PTK7: variants seen among roughly 807,000 people sequenced by gnomAD.
PTK7 encodes inactive tyrosine-protein kinase 7.
PTK7 carries 39 observed loss-of-function variants against 116.6 expected under a neutral mutation model. The observed-to-expected ratio is 0.33, with a 90% confidence interval of 0.26 to 0.44. The LOEUF (loss-of-function observed/expected upper bound fraction) is 0.44. Among genes scored for constraint, PTK7 ranks in the 20% least tolerant of loss-of-function variants. The pLI, the probability that PTK7 is intolerant of heterozygous loss-of-function variation, is 1.00. For synonymous variants in PTK7, 546 were observed against 563.6 expected, an observed-to-expected ratio of 0.97 and a Z score of 0.44; for missense variants, 1,169 against 1,425.6, an observed-to-expected ratio of 0.82 and a Z score of 2.90.
At chr6:43,115,054 A>T (rs1289523236) in intron 1 of PTK7, among the ~76,000 whole-genome samples, 2 of 151,692 alleles carry the variant, frequency 1.3e-5, no homozygotes, top group Non-Finnish European at 2.9e-5. Context: ...AAAAAAAAAA[A>T]ACTTTACAAA....
chr6:43,118,645 CTCTCTCTCTCTCTCTATATATATATATA>C (rs1285430416), intron 1 of PTK7, among the ~76,000 whole-genome samples: 1 of 85,910 alleles, frequency 1.2e-5, no homozygotes, highest in South Asian at 3.8e-4. Flanking sequence ...CTCTCTCTCT[CTCTCTCTCTCTCTCTATATATATATATA>C]TATATATATA....
rs1771804569 is a variant in PTK7 at position 43,160,809 on chromosome 6, C to T, written c.3141C>T (p.Ser1047=). The change falls in exon 20 of 20, where the codon AGC becomes AGT. Residue 1047 remains serine, a synonymous_variant. Transcript: ENST00000230419. Reference sequence around the variant, plus strand: ...TGATGCAGCGCTGCTGGGCCCTCAGCCCCAAGGACCGGCCCTCCTTCAGTG... The same window carrying T: ...TGATGCAGCGCTGCTGGGCCCTCAGTCCCAAGGACCGGCCCTCCTTCAGTG... ...YRLMQRCWAL[S]PKDRPSFSEI... 6.2e-7 allele frequency: 1 copy of T among 1,614,078 alleles called. No individual in the cohort carries two copies. The highest frequency in any genetic ancestry group is 1.3e-5 in the African/African-American group (1 of 74,958).
intron 7 of PTK7, among the ~76,000 whole-genome samples, chr6:43,136,492 C>T (rs1226267604): frequency 6.6e-6 from 1 of 152,178 alleles, no homozygotes. Flanking sequence ...GGTGAGCTGG[C>T]CTGGTCCCTG....
intron 1 of PTK7, among the ~76,000 whole-genome samples, chr6:43,107,595 A>G (rs1767963336): frequency 6.6e-6 from 1 of 152,190 alleles, no homozygotes; most frequent in Non-Finnish European, 1.5e-5. Flanking sequence ...CTAAACTGAG[A>G]CACTTAAAGA....
rs1465812828 is a variant in PTK7 at position 43,076,719 on chromosome 6, G to C, written c.79+152G>C. 1 of 1,377,748 alleles carries C rather than the reference G, an allele frequency of 7.3e-7. No homozygotes were observed. Among genetic ancestry groups the C allele is most frequent in the Non-Finnish European group, 9.5e-7 (1 of 1,051,910 alleles). 85.3% of individuals were successfully genotyped at this position (1,377,748 alleles called of 1,614,324 possible). A position where few individuals can be genotyped will look rare whatever the true frequency, so the allele number is the denominator to read the frequency against. ...GGGTGCAGGCTTGCGGCGGAAGGGC[G>C]CAAGGAGCCCGGGTGTCGGGAGGCT... On this transcript the variant is annotated intron_variant, in intron 1 of 19. Coordinates refer to ENST00000230419, the MANE Select transcript of PTK7 (RefSeq NM_002821.5). The surrounding 1 kb of genome is among the most constrained non-coding windows in gnomAD (Gnocchi z 5.7).
intron 7 of PTK7, among the ~76,000 whole-genome samples, chr6:43,134,965 C>T (rs1769940384): frequency 6.6e-6 from 1 of 151,882 alleles, no homozygotes; most frequent in South Asian, 2.1e-4. Flanking sequence ...ATGTCTAAGA[C>T]ATTGCTGGAG....
In PTK7 at chr6:43,129,974, C is replaced by A; in HGVS notation, c.470+145C>A. ...CAGTGCTCTTCACCCTGCCCTCCCC[C>A]AGATATTGCCCTATGCCGGCCCCTG... On this transcript the variant is annotated intron_variant, in intron 3 of 19. Transcript: ENST00000230419. This position sits in a 1 kb window ranked among gnomAD's most constrained non-coding sequence, Gnocchi z 4.5. 1.1e-6 allele frequency: 1 copy of A among 917,180 alleles called. No individual in the cohort carries two copies. The highest frequency in any genetic ancestry group is 1.7e-6 in the Non-Finnish European group (1 of 595,554). 56.8% of individuals were successfully genotyped at this position (917,180 alleles called of 1,614,324 possible).
intron 1 of PTK7, among the ~76,000 whole-genome samples, chr6:43,084,851 G>A (rs536735964): frequency 3.0e-4 from 45 of 152,260 alleles, no homozygotes; most frequent in Admixed American, 1.4e-3. Context: ...AGTCAGTGAC[G>A]GCCTCAGAAT....
chr6:43,115,925 C>T (rs533226854), intron 1 of PTK7, among the ~76,000 whole-genome samples: 14 of 93,870 alleles, frequency 1.5e-4, no homozygotes, highest in Admixed American at 9.7e-4. Flanking sequence ...AAGACTCCAT[C>T]TCAAAAAAAA....
rs763808505 is a variant in PTK7, at chr6:43,130,660, C to T, written c.811C>T (p.Arg271Cys). The T allele has an allele frequency of 1.3e-5, 21 of 1,614,036 alleles. No homozygotes were observed. The highest frequency in any genetic ancestry group is 1.7e-5 in the Admixed American group (1 of 60,006). Residue 271 changes from arginine (R) to cysteine (C), a missense_variant and splice_region_variant, in exon 5 of 20, where the codon CGC becomes TGC. Arg to Cys is a radical substitution (Grantham distance 180, BLOSUM62 -3). Transcript: ENST00000230419. ...TGAGACTCCCATCACTAACCGCAGT[C>T]GGTAAGGCATCTGGCTGGGAGCATT... ...EDETPITNRS[R>C]PPHLRRATVF...
chr6:43,159,656 C>CTTG (rs1398619358), intron 18 of PTK7, 132 bp from the exon 19 acceptor site: 1 of 898,490 alleles, frequency 1.1e-6, no homozygotes, highest in Admixed American at 2.0e-5. Context: ...CGCATGTGAC[C>CTTG]AATTTCTTGA....
chr6:43,143,676 C>T lies in PTK7; in HGVS notation c.2251+56C>T, dbSNP rs577704464. The T allele has an allele frequency of 1.1e-4, 176 of 1,557,028 alleles. No individual in the cohort carries two copies. In the African/African-American group the frequency reaches 1.7e-3, roughly 15 times the overall value. ...CGTGTGCGGGAGCTGAGCGCCCTCCCGCGGCCACGGAGGGGAGAGCGCCAG... is the reference window on the plus strand; with the variant it reads ...CGTGTGCGGGAGCTGAGCGCCCTCCTGCGGCCACGGAGGGGAGAGCGCCAG... On this transcript the variant is annotated intron_variant, in intron 14 of 19. Coordinates refer to ENST00000230419, the MANE Select transcript of PTK7 (RefSeq NM_002821.5). This position sits in a 1 kb window ranked among gnomAD's most constrained non-coding sequence, Gnocchi z 4.2.
chr6:43,125,107 G>C (rs922502768), intron 1 of PTK7, among the ~76,000 whole-genome samples: 1 of 152,190 alleles, frequency 6.6e-6, no homozygotes, highest in African/African-American at 2.4e-5. Flanking sequence ...GGGAAGCGGA[G>C]GTTGCCGTGA....
intron 1 of PTK7, among the ~76,000 whole-genome samples, chr6:43,111,227 G>C (rs536113111): frequency 7.2e-5 from 11 of 152,214 alleles, no homozygotes; most frequent in African/African-American, 2.2e-4. Context: ...CCAGCAATCA[G>C]TAGCTACCCC....
At chr6:43,101,215 CAA>C (rs1349082218) in intron 1 of PTK7, among the ~76,000 whole-genome samples, 4 of 80,032 alleles carry the variant, frequency 5.0e-5, no homozygotes, top group Admixed American at 1.4e-4. Context: ...AGCTCTGTCT[CAA>C]AAAAAAAAAA....
At chr6:43,130,151 C>T (rs1233454978) in intron 3 of PTK7, 79 bp from the exon 4 acceptor site, 3 of 1,409,300 alleles carry the variant, frequency 2.1e-6, no homozygotes, top group Non-Finnish European at 2.9e-6. Flanking sequence ...AGGTCTAGCC[C>T]TGACCCTCTG....
intron 1 of PTK7, among the ~76,000 whole-genome samples, chr6:43,109,997 CTTT>C (rs35351540): frequency 2.7e-5 from 3 of 109,618 alleles, no homozygotes; most frequent in Non-Finnish European, 3.7e-5. Flanking sequence ...CATGCCCGGC[CTTT>C]TTTTTTTTTT....
intron 4 of PTK7, 21 bp downstream of exon 4, chr6:43,130,441 G>C: frequency 1.2e-6 from 2 of 1,604,038 alleles, no homozygotes; most frequent in Non-Finnish European, 1.7e-6. Context: ...GGTGGGGGCG[G>C]AAGGGATGAG....
Position 43,144,525 on chromosome 6 carries a change from C to G in PTK7, c.2326C>G (p.Pro776Ala). The G allele has an allele frequency of 6.2e-7, 1 of 1,614,196 alleles. No homozygotes were observed. Among genetic ancestry groups the G allele is most frequent in the Non-Finnish European group, 8.5e-7 (1 of 1,180,028 alleles). ...GGCCTTGACCAGCTTGGGCTCCGGCCCCGCGGCCACCAACAAACGCCACAG... is the reference window on the plus strand; with the variant it reads ...GGCCTTGACCAGCTTGGGCTCCGGCGCCGCGGCCACCAACAAACGCCACAG... ...EVALTSLGSG[P>A]AATNKRHSTS... Residue 776 changes from proline (P) to alanine (A), a missense_variant, in exon 15 of 20, where the codon CCC becomes GCC. By Grantham distance (27) the Pro-to-Ala change is conservative. This residue lies in a region of PTK7 where 678 missense variants were observed against 853.8 expected (regional missense o/e 0.79). Coordinates refer to ENST00000230419, the MANE Select transcript of PTK7 (RefSeq NM_002821.5).
Sources: allele counts gnomAD v4.1 joint callset (sites outside exome capture counted in the v4.1 genomes callset), GRCh38; gene constraint gnomAD v4.1.1; regional missense constraint gnomAD v4.1.1; non-coding constraint Gnocchi (gnomAD v3.1); transcripts MANE v1.5; gene names NCBI Gene and HGNC (gene_info 2026-07-23, HGNC 2026-07-21).